CDK19: variants seen among roughly 807,000 people sequenced by gnomAD.
CDK19 encodes cyclin-dependent kinase 19.
CDK19 carries 20 observed loss-of-function variants against 68.3 expected under a neutral mutation model. That is an observed-to-expected ratio of 0.29 (90% CI 0.21 to 0.43). The LOEUF (loss-of-function observed/expected upper bound fraction) is 0.43, where lower values mean the gene tolerates loss of function less well. CDK19 is among the 20% of genes least tolerant of loss of function. CDK19 has a pLI of 1.00. For missense variants in CDK19, 339 were observed against 623.5 expected, an observed-to-expected ratio of 0.54 and a Z score of 4.86; for synonymous variants, 221 against 222.8, an observed-to-expected ratio of 0.99 and a Z score of 0.07.
At chr6:110,630,981 C>A (rs1399215140) in intron 6 of CDK19, among the ~76,000 whole-genome samples, 1 of 152,132 alleles carries the variant, frequency 6.6e-6, no homozygotes, top group East Asian at 1.9e-4. Flanking sequence ...CATGAGTAGG[C>A]TAATTATCAG....
At chr6:110,734,432 G>A (rs1318348156) in intron 2 of CDK19, among the ~76,000 whole-genome samples, 1 of 151,120 alleles carries the variant, frequency 6.6e-6, no homozygotes, top group African/African-American at 2.4e-5. Context: ...ACACATTGCT[G>A]TTTTAATAAC....
At chr6:110,797,625 T>C (rs900262155) in intron 1 of CDK19, among the ~76,000 whole-genome samples, 1 of 152,160 alleles carries the variant, frequency 6.6e-6, no homozygotes, top group African/African-American at 2.4e-5. Context: ...TTCTTGGATT[T>C]TTAAACCACA....
intron 1 of CDK19, among the ~76,000 whole-genome samples, chr6:110,788,981 G>T (rs1013968647): frequency 6.6e-6 from 1 of 152,108 alleles, no homozygotes; most frequent in African/African-American, 2.4e-5. Context: ...AAATACACAA[G>T]AACCACAAGT....
intron 1 of CDK19, among the ~76,000 whole-genome samples, chr6:110,753,934 G>C (rs543696591): frequency 2.6e-5 from 4 of 151,838 alleles, no homozygotes; most frequent in Admixed American, 1.3e-4. Context: ...TGAACTGTCA[G>C]TGCACTTCCA....
chr6:110,663,552 G>T (rs1172012787), intron 4 of CDK19, among the ~76,000 whole-genome samples: 1 of 152,148 alleles, frequency 6.6e-6, no homozygotes. Context: ...TTCAGACAGG[G>T]TCTCAATTTG....
At position 110,719,745 on chromosome 6, in the gene CDK19, T is replaced by C. The variant is rs1277154048; in HGVS notation, c.204+26381A>G. The stretch of plus-strand genomic sequence containing the variant: ...AGTATGGTTTTTTTGTTTTGTTTTG[T>C]TTTGAGACAGAGTCTCACTCTGTCA... On this transcript the variant is annotated intron_variant, in intron 2 of 12. Coordinates refer to ENST00000368911, the MANE Select transcript of CDK19 (RefSeq NM_015076.5). Among the ~76,000 whole-genome samples, 4 of 152,064 alleles carry C rather than the reference T, an allele frequency of 2.6e-5. No homozygotes were observed. In the East Asian group the frequency reaches 7.7e-4, roughly 29 times the overall value.
intron 2 of CDK19, among the ~76,000 whole-genome samples, chr6:110,702,541 T>A (rs924857390): frequency 1.3e-5 from 2 of 152,108 alleles, no homozygotes; most frequent in African/African-American, 4.8e-5. Flanking sequence ...ATGGGAAGAT[T>A]GCTTGGGCCC....
intron 12 of CDK19, among the ~76,000 whole-genome samples, chr6:110,615,089 A>C (rs779850170): frequency 1.3e-5 from 2 of 152,228 alleles, no homozygotes; most frequent in African/African-American, 2.4e-5. Flanking sequence ...ATTATAAATA[A>C]CAAAGCTGTG....
chr6:110,707,322 G>A (rs1349786381), intron 2 of CDK19, among the ~76,000 whole-genome samples: 2 of 151,306 alleles, frequency 1.3e-5, no homozygotes, highest in African/African-American at 4.9e-5. Flanking sequence ...AGTGACAGAG[G>A]GAGCCTCTGT....
rs2114576785 is a variant in CDK19, at chr6:110,690,687, A to G, written c.205-20146T>C. On this transcript the variant is annotated intron_variant, in intron 2 of 12. Transcript: ENST00000368911. ...ATTCCAACCCTATAGGAGACAATGA[A>G]TTTGCTCACACACTGAGCACATTGC... Among the ~76,000 whole-genome samples the G allele has an allele frequency of 2.0e-5, 3 of 152,290 alleles. No homozygotes were observed. In the South Asian group the frequency reaches 6.2e-4, roughly 32 times the overall value.
intron 1 of CDK19, among the ~76,000 whole-genome samples, chr6:110,755,074 CTT>C (rs1314815234): frequency 7.1e-6 from 1 of 140,516 alleles, no homozygotes; most frequent in Non-Finnish European, 1.5e-5. Flanking sequence ...AAGTTTCGCT[CTT>C]GTTGCCCAGG....
chr6:110,712,837 G>A (rs145109254), intron 2 of CDK19, among the ~76,000 whole-genome samples: 45 of 152,192 alleles, frequency 3.0e-4, no homozygotes, highest in African/African-American at 7.5e-4. Flanking sequence ...TGAAACTAAC[G>A]GTAAGAAGTT....
At chr6:110,767,394 G>A (rs1424129642) in intron 1 of CDK19, among the ~76,000 whole-genome samples, 1 of 151,708 alleles carries the variant, frequency 6.6e-6, no homozygotes, top group Non-Finnish European at 1.5e-5. Flanking sequence ...GAGGTGGGCA[G>A]ATGACCTGAG....
At chr6:110,725,940 T>C (rs1299848522) in intron 2 of CDK19, among the ~76,000 whole-genome samples, 1 of 152,232 alleles carries the variant, frequency 6.6e-6, no homozygotes, top group East Asian at 1.9e-4. Flanking sequence ...TTCTATGGGC[T>C]TGATTTTATA....
intron 2 of CDK19, among the ~76,000 whole-genome samples, chr6:110,735,473 A>T (rs1459530879): frequency 6.6e-6 from 1 of 152,204 alleles, no homozygotes; most frequent in East Asian, 1.9e-4. Flanking sequence ...TCAATAGTGA[A>T]TATATCAGAT....
At chr6:110,614,711 G>C in intron 12 of CDK19, 45 bp from the exon 13 acceptor site, 1 of 1,604,762 alleles carries the variant, frequency 6.2e-7, no homozygotes, top group East Asian at 2.2e-5. Context: ...TGGAGGAAGA[G>C]GATGACTCAA....
chr6:110,809,405 G>A (rs1782913304), intron 1 of CDK19, among the ~76,000 whole-genome samples: 2 of 152,072 alleles, frequency 1.3e-5, no homozygotes, highest in African/African-American at 4.8e-5. Flanking sequence ...TGTGGTCCTA[G>A]CTACGCAAGA....
rs1414196975 is a variant in CDK19 at position 110,798,246 on chromosome 6, G to T, written c.128+16763C>A. Among the ~76,000 whole-genome samples, 3 of 151,946 alleles carry T rather than the reference G, an allele frequency of 2.0e-5. No homozygotes were observed. The South Asian group carries it at 6.2e-4, about 32-fold the overall frequency. ...ACTTAATAGTACATTATGTAAGATGGCAACTGTATTAAAGAAAAATGAGGA... is the reference window on the plus strand; with the variant it reads ...ACTTAATAGTACATTATGTAAGATGTCAACTGTATTAAAGAAAAATGAGGA... On this transcript the variant is annotated intron_variant, in intron 1 of 12. Transcript: ENST00000368911.
chr6:110,654,238 T>C (rs997128699), intron 4 of CDK19, among the ~76,000 whole-genome samples: 1 of 152,226 alleles, frequency 6.6e-6, no homozygotes, highest in Non-Finnish European at 1.5e-5. Context: ...CTGTTCTTCA[T>C]TGTTTACCCT....
Sources: gnomAD v4.1 joint callset for allele counts (sites outside exome capture counted in the v4.1 genomes callset) on GRCh38, gnomAD v4.1.1 for gene constraint, MANE v1.5 for transcripts, NCBI Gene and HGNC (gene_info 2026-07-23, HGNC 2026-07-21) for gene names.